CRTC1: variants seen among roughly 807,000 people sequenced by gnomAD.
CRTC1 encodes the protein CREB regulated transcription coactivator 1, also known as CREB-regulated transcription coactivator 1.
In CRTC1, 18 loss-of-function variants were observed where a neutral mutation model predicts 66.1. The observed-to-expected ratio is 0.27, with a 90% CI of 0.19 to 0.40. The LOEUF is 0.40. Among genes scored for constraint, CRTC1 ranks in the 10% least tolerant of loss-of-function variants. The pLI, the probability that CRTC1 is intolerant of heterozygous loss-of-function variation, is 1.00. For synonymous variants in CRTC1, 416 were observed against 398.8 expected (o/e 1.04, Z -0.51); for missense variants, 669 against 887.9 (o/e 0.75, Z 3.13).
chr19:18,709,250 C>T (rs757972003), intron 1 of CRTC1, among the ~76,000 whole-genome samples: 6 of 152,108 alleles, frequency 3.9e-5, no homozygotes, highest in Admixed American at 6.5e-5. Flanking sequence ...GCCTGGTGCC[C>T]GCAGCCTCCC....
At chr19:18,752,173 G>GA (rs2054379137) in intron 5 of CRTC1, among the ~76,000 whole-genome samples, 1 of 150,246 alleles carries the variant, frequency 6.7e-6, no homozygotes, top group Admixed American at 6.6e-5. Flanking sequence ...AAGAAAGAAA[G>GA]AAAAATATAC....
At chr19:18,751,783 C>T (rs1355444497) in intron 5 of CRTC1, among the ~76,000 whole-genome samples, 2 of 152,080 alleles carry the variant, frequency 1.3e-5, no homozygotes, top group Non-Finnish European at 2.9e-5. Flanking sequence ...GTGCTTGGTG[C>T]CGGGGGCTCA....
At chr19:18,759,921 C>A in intron 7 of CRTC1, 87 bp from the exon 8 acceptor site, 1 of 1,103,468 alleles carries the variant, frequency 9.1e-7, no homozygotes, top group Non-Finnish European at 1.3e-6. Context: ...CTTTTGCACC[C>A]GCTGATTTTC....
At chr19:18,719,222 C>T (rs954714899) in intron 1 of CRTC1, among the ~76,000 whole-genome samples, 1 of 152,226 alleles carries the variant, frequency 6.6e-6, no homozygotes, top group African/African-American at 2.4e-5. Context: ...TGGGCTTGGT[C>T]CTTCCCTGCA....
chr19:18,749,905 T>G, intron 5 of CRTC1, 30 bp downstream of exon 5: 1 of 1,582,086 alleles, frequency 6.3e-7, no homozygotes, highest in East Asian at 2.2e-5. Flanking sequence ...GTGTCTCTGC[T>G]GGGGTGAGGC....
chr19:18,773,751 C>T (rs571328885), intron 11 of CRTC1, among the ~76,000 whole-genome samples: 4 of 152,138 alleles, frequency 2.6e-5, no homozygotes, highest in African/African-American at 7.2e-5. Flanking sequence ...TCTTCTCTGG[C>T]GTTTGAGTGG....
chr19:18,739,436 C>T (rs1330718747), intron 1 of CRTC1, among the ~76,000 whole-genome samples: 1 of 152,234 alleles, frequency 6.6e-6, no homozygotes, highest in East Asian at 1.9e-4. Context: ...GCTTGTACAG[C>T]CTCCAGACGG....
intron 1 of CRTC1, among the ~76,000 whole-genome samples, chr19:18,717,277 C>T (rs1428443829): frequency 6.6e-6 from 1 of 151,904 alleles, no homozygotes; most frequent in Non-Finnish European, 1.5e-5. Flanking sequence ...AGTCTTTCCC[C>T]TAGCACCCTC....
chr19:18,758,257 C>T (rs2054535807), intron 6 of CRTC1, among the ~76,000 whole-genome samples: 1 of 143,590 alleles, frequency 7.0e-6, no homozygotes, highest in Admixed American at 7.1e-5. Flanking sequence ...CTACGCGAGA[C>T]ACTGAGGCAG....
intron 1 of CRTC1, among the ~76,000 whole-genome samples, chr19:18,704,722 C>G (rs1409803112): frequency 1.3e-5 from 2 of 152,088 alleles, no homozygotes; most frequent in African/African-American, 4.8e-5. Context: ...AAAAACAAAC[C>G]AAAAACAAAA....
chr19:18,771,338 G>T lies in CRTC1; in HGVS notation c.1321-104G>T. On this transcript the variant is annotated intron_variant, in intron 10 of 13. Coordinates refer to ENST00000321949, the MANE Select transcript of CRTC1 (RefSeq NM_015321.3). This position sits in a 1 kb window ranked among gnomAD's most constrained non-coding sequence, Gnocchi z 4.6. The stretch of plus-strand genomic sequence containing the variant: ...GACCATCACCAAGGTGTGAGGGGCG[G>T]GGGGACCTGCCTGGGGGCTGATCAG... 1.1e-6 allele frequency: 1 copy of T among 933,056 alleles called. No homozygotes were observed. The highest frequency in any genetic ancestry group is 1.6e-6 in the Non-Finnish European group (1 of 622,088). The allele number at this position is 933,056 out of a possible 1,614,324, so 57.8% of individuals were successfully genotyped here. A position where few individuals can be genotyped will look rare whatever the true frequency, so the allele number is the denominator to read the frequency against.
At chr19:18,732,864 A>G (rs2053920809) in intron 1 of CRTC1, among the ~76,000 whole-genome samples, 1 of 151,978 alleles carries the variant, frequency 6.6e-6, no homozygotes. Flanking sequence ...GCCAGGCAGG[A>G]GGATCACTTG....
At position 18,774,985 on chromosome 19, in the gene CRTC1, A is replaced by G; in HGVS notation, c.1511A>G (p.Gln504Arg). 6.2e-7 allele frequency: 1 copy of G among 1,604,136 alleles called. No individual in the cohort carries two copies. Among genetic ancestry groups the G allele is most frequent in the Non-Finnish European group, 8.5e-7 (1 of 1,179,864 alleles). ...AGGCAGGCCAATGCTCTGTCCCACC[A>G]GGTGAGCGGGCGCCCAGGCTGCCAG... Reference protein sequence around the residue: ...AARQANALSHQLEQFNMMENA... With the variant: ...AARQANALSHRLEQFNMMENA... The change falls in exon 12 of 14, where the codon CAG (glutamine) becomes CGG (arginine). Residue 504 changes from glutamine (Q) to arginine (R), a missense_variant and splice_region_variant. Physicochemically the swap from Gln to Arg is conservative, Grantham distance 43. This residue lies in a region of CRTC1 where 79 missense variants were observed against 100.1 expected (regional missense o/e 0.79). Transcript: ENST00000321949.
intron 6 of CRTC1, 103 bp from the exon 7 acceptor site, chr19:18,759,447 TG>T: frequency 8.1e-7 from 1 of 1,233,902 alleles, no homozygotes; most frequent in Non-Finnish European, 1.1e-6. Flanking sequence ...GATGCATCTC[TG>T]GGCTTTGTGG....
At chr19:18,767,029 C>T (rs924847611) in intron 9 of CRTC1, among the ~76,000 whole-genome samples, 7 of 152,078 alleles carry the variant, frequency 4.6e-5, no homozygotes, top group African/African-American at 1.7e-4. Flanking sequence ...GGGAAGTTTC[C>T]AATCTCATCT....
chr19:18,748,674 T>TG (rs1486965160), intron 4 of CRTC1, among the ~76,000 whole-genome samples: 1 of 146,808 alleles, frequency 6.8e-6, no homozygotes, highest in Non-Finnish European at 1.5e-5. Context: ...TACACCAGCC[T>TG]GGGGGGCAGA....
Position 18,771,372 on chromosome 19 carries a change from C to T in CRTC1, c.1321-70C>T, listed in dbSNP as rs1384974563. 25 of 1,383,164 alleles carry T rather than the reference C, an allele frequency of 1.8e-5. No homozygotes were observed. Among genetic ancestry groups the T allele is most frequent in the Middle Eastern group, 1.9e-4 (1 of 5,216 alleles). 85.7% of individuals were successfully genotyped at this position (1,383,164 alleles called of 1,614,324 possible). A position where few individuals can be genotyped will look rare whatever the true frequency, so the allele number is the denominator to read the frequency against. On this transcript the variant is annotated intron_variant, in intron 10 of 13. Transcript: ENST00000321949. The surrounding 1 kb of genome is among the most constrained non-coding windows in gnomAD (Gnocchi z 4.6). ...GCCTGGGGGCTGATCAGGCTGCTCC[C>T]GGGAAGCAGGGACTGGAGCCCGGGC...
chr19:18,713,027 T>G (rs2053427161), intron 1 of CRTC1, among the ~76,000 whole-genome samples: 1 of 122,648 alleles, frequency 8.2e-6, no homozygotes, highest in Admixed American at 9.2e-5. Flanking sequence ...CCCCAGCCCC[T>G]GGCAGCCAGC....
chr19:18,765,850 A>G (rs2054721578), intron 9 of CRTC1, among the ~76,000 whole-genome samples: 1 of 152,020 alleles, frequency 6.6e-6, no homozygotes, highest in African/African-American at 2.4e-5. Context: ...GGTCCCAGCT[A>G]CTAGGGAGGC....
Sources: gnomAD v4.1 joint callset for allele counts (sites outside exome capture counted in the v4.1 genomes callset) on GRCh38, gnomAD v4.1.1 for gene constraint, gnomAD v4.1.1 regional missense constraint, Gnocchi (gnomAD v3.1) non-coding constraint, MANE v1.5 for transcripts, NCBI Gene and HGNC (gene_info 2026-07-23, HGNC 2026-07-21) for gene names.